CNTN4: variants seen among roughly 807,000 people sequenced by gnomAD.
CNTN4 encodes contactin-4.
A neutral mutation model predicts 122.5 loss-of-function variants in CNTN4; 77 were observed. The observed-to-expected ratio is 0.63, with a 90% confidence interval of 0.52 to 0.76. The LOEUF is 0.76. Ranked by LOEUF, CNTN4 falls within the 30% of genes least tolerant of loss-of-function variation. The pLI, the probability that CNTN4 is intolerant of heterozygous loss-of-function variation, is 0.00. For synonymous variants in CNTN4, 512 were observed against 447.0 expected, an observed-to-expected ratio of 1.15 and a Z score of -1.83; for missense variants, 1,256 against 1,259.1, an observed-to-expected ratio of 1.00 and a Z score of 0.04.
intron 7 of CNTN4, among the ~76,000 whole-genome samples, chr3:2,831,009 T>C (rs575947451): frequency 1.3e-5 from 2 of 152,020 alleles, no homozygotes; most frequent in Admixed American, 6.6e-5. Context: ...AACCTAGGAG[T>C]CTTAGGCACA....
chr3:2,925,307 G>A (rs1227911001), intron 12 of CNTN4, among the ~76,000 whole-genome samples: 1 of 152,186 alleles, frequency 6.6e-6, no homozygotes, highest in East Asian at 1.9e-4. Flanking sequence ...TGTAATCCCC[G>A]CACTTTGGGA....
chr3:2,573,792 A>G (rs551455097), intron 4 of CNTN4, among the ~76,000 whole-genome samples: 25 of 152,308 alleles, frequency 1.6e-4, no homozygotes, highest in African/African-American at 6.0e-4. Flanking sequence ...TTTACACGGC[A>G]TTAATATTCT....
chr3:2,441,188 T>C (rs1334295484), intron 3 of CNTN4, among the ~76,000 whole-genome samples: 1 of 152,132 alleles, frequency 6.6e-6, no homozygotes, highest in Non-Finnish European at 1.5e-5. Flanking sequence ...GCATTTTACC[T>C]TCAGTAATTA....
At chr3:2,146,476 T>C (rs1225332602) in intron 2 of CNTN4, among the ~76,000 whole-genome samples, 1 of 152,140 alleles carries the variant, frequency 6.6e-6, no homozygotes, top group Non-Finnish European at 1.5e-5. Context: ...ATTGTTCCAG[T>C]AAATGCACAC....
intron 6 of CNTN4, among the ~76,000 whole-genome samples, chr3:2,789,029 C>G (rs905300556): frequency 2.0e-5 from 3 of 151,934 alleles, no homozygotes; most frequent in Non-Finnish European, 2.9e-5. Flanking sequence ...CTCTTTATGC[C>G]TTTGAGGATT....
intron 2 of CNTN4, among the ~76,000 whole-genome samples, chr3:2,203,749 T>A (rs2038214667): frequency 6.6e-6 from 1 of 152,174 alleles, no homozygotes; most frequent in African/African-American, 2.4e-5. Context: ...ATTGGCCTTC[T>A]GACCTCCTTG....
intron 6 of CNTN4, among the ~76,000 whole-genome samples, chr3:2,797,065 A>G (rs1248497526): frequency 6.6e-6 from 1 of 152,158 alleles, no homozygotes; most frequent in South Asian, 2.1e-4. Context: ...CAGGGGCATG[A>G]TCAAAGCTCA....
chr3:2,783,341 G>A (rs751227015), intron 6 of CNTN4, among the ~76,000 whole-genome samples: 5 of 152,174 alleles, frequency 3.3e-5, no homozygotes, highest in Middle Eastern at 3.4e-3. Flanking sequence ...GAGATAATTC[G>A]TCTTGAAAAA....
At chr3:2,840,523 A>G (rs78351810) in intron 7 of CNTN4, among the ~76,000 whole-genome samples, 8,729 of 94,202 alleles carry the variant, frequency 0.093, 662 homozygotes, top group Middle Eastern at 0.17. Context: ...ACACGGTGAA[A>G]CCCCGTCTCT....
At chr3:2,378,020 G>C (rs1004703628) in intron 3 of CNTN4, among the ~76,000 whole-genome samples, 4 of 152,152 alleles carry the variant, frequency 2.6e-5, no homozygotes, top group Non-Finnish European at 5.9e-5. Flanking sequence ...GTCTGTATGA[G>C]ATGGCATCGT....
chr3:2,789,077 A>G (rs2091927046), intron 6 of CNTN4, among the ~76,000 whole-genome samples: 2 of 152,070 alleles, frequency 1.3e-5, no homozygotes, highest in African/African-American at 4.8e-5. Context: ...GATCTTTACC[A>G]TGTAGATGCT....
At chr3:3,045,687 A>C (rs1700575151) in intron 23 of CNTN4, among the ~76,000 whole-genome samples, 1 of 152,230 alleles carries the variant, frequency 6.6e-6, no homozygotes, top group African/African-American at 2.4e-5. Flanking sequence ...GAAAAAATAG[A>C]GCAGAAAAAC....
chr3:2,601,942 G>A (rs142374288), intron 4 of CNTN4, among the ~76,000 whole-genome samples: 1,704 of 151,910 alleles, frequency 0.011, 29 homozygotes, highest in African/African-American at 0.039. Context: ...TTCAACATAC[G>A]CAAATCAATA....
intron 3 of CNTN4, among the ~76,000 whole-genome samples, chr3:2,477,002 A>T (rs961312855): frequency 2.0e-5 from 3 of 152,184 alleles, no homozygotes; most frequent in African/African-American, 7.2e-5. Flanking sequence ...AGAATGACAC[A>T]GCTGGAAGGG....
intron 3 of CNTN4, among the ~76,000 whole-genome samples, chr3:2,545,274 A>G (rs1260102845): frequency 6.6e-6 from 1 of 152,022 alleles, no homozygotes; most frequent in Non-Finnish European, 1.5e-5. Context: ...GGATTGTTTT[A>G]TGTCCAATTG....
intron 3 of CNTN4, among the ~76,000 whole-genome samples, chr3:2,463,650 T>C (rs923158781): frequency 6.6e-6 from 1 of 152,080 alleles, no homozygotes; most frequent in African/African-American, 2.4e-5. Flanking sequence ...TCCCAGCTAC[T>C]TGGGAAGCTG....
chr3:2,617,295 GA>G (rs904641230), intron 4 of CNTN4, among the ~76,000 whole-genome samples: 37 of 149,354 alleles, frequency 2.5e-4, no homozygotes, highest in African/African-American at 8.4e-4. Flanking sequence ...AAATTTTCAA[GA>G]AAAAAACAAC....
intron 13 of CNTN4, among the ~76,000 whole-genome samples, chr3:2,940,518 A>G (rs2094604698): frequency 6.6e-6 from 1 of 152,186 alleles, no homozygotes; most frequent in South Asian, 2.1e-4. Flanking sequence ...TATTTGTGGC[A>G]AGGATCTCAT....
intron 3 of CNTN4, among the ~76,000 whole-genome samples, chr3:2,427,837 G>A (rs2047900836): frequency 6.6e-6 from 1 of 151,836 alleles, no homozygotes; most frequent in South Asian, 2.1e-4. Context: ...GGCCTTCTTT[G>A]TCGCTTCTGA....
Sources: gnomAD v4.1 joint callset for allele counts (sites outside exome capture counted in the v4.1 genomes callset) on GRCh38, gnomAD v4.1.1 for gene constraint, MANE v1.5 for transcripts, NCBI Gene and HGNC (gene_info 2026-07-23, HGNC 2026-07-21) for gene names.